The following VCPIP1 variants were observed in gnomAD, a reference collection of about 807,000 sequenced individuals.
The protein encoded by VCPIP1 is valosin containing protein interacting protein 1.
In VCPIP1, 8 loss-of-function variants were observed where a neutral mutation model predicts 85.0. That is an observed-to-expected ratio of 0.09 (90% CI 0.06 to 0.17). VCPIP1 has a LOEUF of 0.17. VCPIP1 is among the 10% of genes least tolerant of loss of function. The probability of loss-of-function intolerance (pLI) is 1.00; values close to 1 mark genes in which losing one functional copy is unlikely to be tolerated. For synonymous variants in VCPIP1, 543 were observed against 544.5 expected (o/e 1.00, Z 0.04); for missense variants, 1,070 against 1,486.3 (o/e 0.72, Z 4.61).
Position 66,635,223 on chromosome 8 carries a change from C to T in VCPIP1, c.2947G>A (p.Val983Ile), listed in dbSNP as rs753258766. 1 of 1,614,184 alleles carries T rather than the reference C, an allele frequency of 6.2e-7. No homozygotes were observed. Among genetic ancestry groups the T allele is most frequent in the Admixed American group, 1.7e-5 (1 of 60,014 alleles). ...GTAGCCTCTGCTCGAACCTGACTTA[C>T]AGCCTCTTTAACTAAATCTTCAACA... is the stretch of plus-strand genomic sequence containing the variant. The part of the protein sequence containing the change: ...PDVEDLVKEA[V>I]SQVRAEATTR... The change falls in exon 3 of 3, where the codon GTA becomes ATA. Residue 983 changes from valine to isoleucine, a missense_variant. This residue lies in a region of VCPIP1 where 255 missense variants were observed against 289.5 expected (regional missense o/e 0.88). Transcript: ENST00000310421.
chr8:66,637,596 A>C (rs1810901459), intron 2 of VCPIP1, among the ~76,000 whole-genome samples: 1 of 151,746 alleles, frequency 6.6e-6, no homozygotes, highest in Admixed American at 6.6e-5. Flanking sequence ...GAATGTTCAG[A>C]TTTTATATAG....
At position 66,664,792 on chromosome 8, in the gene VCPIP1, G is replaced by A; in HGVS notation, c.2167C>T (p.Gln723Ter). 1.2e-6 allele frequency: 2 copies of A among 1,612,394 alleles called. No individual in the cohort carries two copies. Among genetic ancestry groups the A allele is most frequent in the Non-Finnish European group, 1.7e-6 (2 of 1,179,510 alleles). The change falls in exon 1 of 3, where the codon CAG becomes TAG. Residue 723 changes from glutamine (Q) to a stop codon, truncating the protein, a stop_gained. Coordinates refer to ENST00000310421, the MANE Select transcript of VCPIP1 (RefSeq NM_025054.5). LOFTEE classifies it high-confidence loss of function. ...ERTIQQNITE[Q>*]ASVMQKRKTE... ...TTCCGTTTCTGCATTACAGAAGCCT[G>A]TTCCGTAATATTCTGTTGAATAGTT...
In VCPIP1 at chr8:66,652,535, C is replaced by T. The variant is rs1013963518; in HGVS notation, c.2711-991G>A. Among the ~76,000 whole-genome samples, 3 of 152,078 alleles carry T rather than the reference C, an allele frequency of 2.0e-5. No homozygotes were observed. The South Asian group carries it at 6.2e-4, about 32-fold the overall frequency. ...AGCTGAGGCAGGAGAATAGCTTGAA[C>T]CCAGAAAGTGGAGGTTGCAGTGAGC... is the stretch of plus-strand genomic sequence containing the variant. On this transcript the variant is annotated intron_variant, in intron 1 of 2. Transcript: ENST00000310421.
In VCPIP1 at chr8:66,667,197, C is replaced by A; in HGVS notation, c.-239G>T. ...CGGCCACCACCCCACCCCGCACTCA[C>A]ACTCACTCACTCTCGCTCTCTCTCC... On this transcript the variant is annotated 5_prime_UTR_variant, in exon 1 of 3. Coordinates refer to ENST00000310421, the MANE Select transcript of VCPIP1 (RefSeq NM_025054.5). The A allele has an allele frequency of 1.4e-6, 1 of 730,970 alleles. No homozygotes were observed. The highest frequency in any genetic ancestry group is 2.1e-6 in the Non-Finnish European group (1 of 483,912). 45.3% of individuals were successfully genotyped at this position (730,970 alleles called of 1,614,324 possible).
chr8:66,651,646 C>A, intron 1 of VCPIP1, 102 bp from the exon 2 acceptor site: 2 of 850,752 alleles, frequency 2.4e-6, no homozygotes, highest in Non-Finnish European at 3.6e-6. Flanking sequence ...AGGCAGAGCT[C>A]CTAAATGAGT....
intron 1 of VCPIP1, among the ~76,000 whole-genome samples, chr8:66,661,691 G>A (rs557399364): frequency 2.6e-5 from 4 of 151,262 alleles, no homozygotes; most frequent in African/African-American, 4.8e-5. Flanking sequence ...AGCTGAGATC[G>A]CGCCACTGCA....
At chr8:66,656,203 T>C (rs1239977825) in intron 1 of VCPIP1, among the ~76,000 whole-genome samples, 1 of 152,178 alleles carries the variant, frequency 6.6e-6, no homozygotes, top group African/African-American at 2.4e-5. Flanking sequence ...TAGGTATTTA[T>C]TTATTTTTTG....
At chr8:66,661,540 C>T (rs546193983) in intron 1 of VCPIP1, among the ~76,000 whole-genome samples, 28 of 152,038 alleles carry the variant, frequency 1.8e-4, no homozygotes, top group African/African-American at 6.7e-4. Context: ...TTGAGACCAT[C>T]CCAGCTAACA....
intron 2 of VCPIP1, among the ~76,000 whole-genome samples, chr8:66,642,966 A>G (rs1810961586): frequency 6.6e-6 from 1 of 152,242 alleles, no homozygotes; most frequent in African/African-American, 2.4e-5. Flanking sequence ...TTCAGAAAGT[A>G]GAATTTAAAA....
At chr8:66,636,939 A>G (rs781314778) in intron 2 of VCPIP1, among the ~76,000 whole-genome samples, 12 of 152,194 alleles carry the variant, frequency 7.9e-5, no homozygotes, top group African/African-American at 4.8e-5. Flanking sequence ...GGAAACAAAT[A>G]TAAGTACTAT....
At chr8:66,658,250 C>G (rs1449315391) in intron 1 of VCPIP1, among the ~76,000 whole-genome samples, 1 of 150,678 alleles carries the variant, frequency 6.6e-6, no homozygotes, top group Non-Finnish European at 1.5e-5. Context: ...AGGAGAATCG[C>G]TTGAAACTGG....
rs764712800 is a variant in VCPIP1, at chr8:66,634,941, TAGA to T, written c.3226_3228del (p.Ser1077del). On this transcript the variant is annotated inframe_deletion, in exon 3 of 3. Coordinates refer to ENST00000310421, the MANE Select transcript of VCPIP1 (RefSeq NM_025054.5). ...GCTATTCGAATAAGCTCACTATTAC[TAGA>T]AGAAGCTGTGAATACAGAAGGCTCT... The T allele has an allele frequency of 1.3e-5, 21 of 1,613,582 alleles. No individual in the cohort carries two copies. The African/African-American group carries it at 2.4e-4, about 18-fold the overall frequency.
intron 2 of VCPIP1, among the ~76,000 whole-genome samples, chr8:66,641,131 C>A (rs1810943600): frequency 6.6e-6 from 1 of 152,202 alleles, no homozygotes; most frequent in African/African-American, 2.4e-5. Context: ...TATCTGCTGA[C>A]CTGTGTGCTG....
In VCPIP1 at chr8:66,664,783, C is replaced by G; in HGVS notation, c.2176G>C (p.Val726Leu). ...TTCTCTGTTTTCCGTTTCTGCATTA[C>G]AGAAGCCTGTTCCGTAATATTCTGT... Reference protein sequence around the residue: ...IQQNITEQASVMQKRKTEKLK... With the variant: ...IQQNITEQASLMQKRKTEKLK... The change falls in exon 1 of 3, where the codon GTA becomes CTA. Residue 726 changes from valine (V) to leucine (L), a missense_variant. Around this residue, in one of 8 missense-constraint regions of VCPIP1, gnomAD observed 278 missense variants for 298.5 expected, o/e 0.93. Coordinates refer to ENST00000310421, the MANE Select transcript of VCPIP1 (RefSeq NM_025054.5). The G allele has an allele frequency of 6.2e-7, 1 of 1,612,734 alleles. No individual in the cohort carries two copies. Among genetic ancestry groups the G allele is most frequent in the Non-Finnish European group, 8.5e-7 (1 of 1,179,570 alleles).
rs76957378 is a variant in VCPIP1, at chr8:66,666,917, T to TGGCGGCGGCAACGGAGGC, written c.24_41dup (p.Leu11_Pro16dup). 2 of 1,588,350 alleles carry TGGCGGCGGCAACGGAGGC rather than the reference T, an allele frequency of 1.3e-6. No homozygotes were observed. The highest frequency in any genetic ancestry group is 1.7e-6 in the Non-Finnish European group (2 of 1,172,432). ...TCTGTGGAGCCTCAGGGGGAGGAGG[T>TGGCGGCGGCAACGGAGGC]GGCGGCGGCAACGGAGGCGGCGGCG... On this transcript the variant is annotated inframe_insertion, in exon 1 of 3. Coordinates refer to ENST00000310421, the MANE Select transcript of VCPIP1 (RefSeq NM_025054.5). The surrounding 1 kb of genome is among the most constrained non-coding windows in gnomAD (Gnocchi z 6.3).
Position 66,635,359 on chromosome 8 carries a change from G to GCCA in VCPIP1, c.2808_2810dup (p.Gly937dup), listed in dbSNP as rs1482267520. On this transcript the variant is annotated inframe_insertion, in exon 3 of 3. Coordinates refer to ENST00000310421, the MANE Select transcript of VCPIP1 (RefSeq NM_025054.5). ...GCAGATGTGGAAAAGTACAATGCTTGCCATCAGCCATACCTAAAAAGGGGA... is the reference window on the plus strand; with the variant it reads ...GCAGATGTGGAAAAGTACAATGCTTGCCACCATCAGCCATACCTAAAAAGGGGA... 1 of 1,609,668 alleles carries GCCA rather than the reference G, an allele frequency of 6.2e-7. No individual in the cohort carries two copies. Among genetic ancestry groups the GCCA allele is most frequent in the Admixed American group, 1.7e-5 (1 of 59,600 alleles).
Position 66,634,624 on chromosome 8 carries a change from T to C in VCPIP1, c.3546A>G (p.Ala1182=). The change falls in exon 3 of 3, where the codon GCA becomes GCG. Residue 1182 remains alanine (A), a synonymous_variant. Coordinates refer to ENST00000310421, the MANE Select transcript of VCPIP1 (RefSeq NM_025054.5). ...TETTDGCVAD[A]LGAAFATRSK... is the part of the protein sequence containing the mutation. ...ACCTTGTGGCAAAGGCTGCTCCCAGTGCATCTGCTACACAGCCATCAGTTG... is the reference window on the plus strand; with the variant it reads ...ACCTTGTGGCAAAGGCTGCTCCCAGCGCATCTGCTACACAGCCATCAGTTG... 1 of 1,614,236 alleles carries C rather than the reference T, an allele frequency of 6.2e-7. No homozygotes were observed.
At chr8:66,638,322 C>CA (rs1477163172) in intron 2 of VCPIP1, among the ~76,000 whole-genome samples, 2 of 151,656 alleles carry the variant, frequency 1.3e-5, no homozygotes, top group Non-Finnish European at 2.9e-5. Context: ...CTCACCTCTA[C>CA]AAAAAATTTA....
Position 66,664,829 on chromosome 8 carries a change from A to G in VCPIP1, c.2130T>C (p.Ser710=), listed in dbSNP as rs762647100. Residue 710 remains serine, a synonymous_variant, in exon 1 of 3, where the codon AGT becomes AGC. Coordinates refer to ENST00000310421, the MANE Select transcript of VCPIP1 (RefSeq NM_025054.5). The part of the protein sequence containing the change: ...KTLHKEELNM[S]KTERTIQQNI... ...TCTGTTGAATAGTTCTTTCAGTTTT[A>G]CTCATGTTTAACTCCTCCTTGTGCA... 188 of 1,612,988 alleles carry G rather than the reference A, an allele frequency of 1.2e-4. No homozygotes were observed. Among genetic ancestry groups the G allele is most frequent in the Non-Finnish European group, 1.6e-4 (186 of 1,179,774 alleles).
Sources: gnomAD v4.1 joint callset for allele counts (sites outside exome capture counted in the v4.1 genomes callset) on GRCh38, gnomAD v4.1.1 for gene constraint, gnomAD v4.1.1 regional missense constraint, Gnocchi (gnomAD v3.1) non-coding constraint, MANE v1.5 for transcripts, NCBI Gene and HGNC (gene_info 2026-07-23, HGNC 2026-07-21) for gene names.